The following PFKP variants were observed in gnomAD, a reference collection of about 807,000 sequenced individuals.
The protein encoded by PFKP is phosphofructokinase, platelet, also known as ATP-dependent 6-phosphofructokinase, platelet type.
PFKP carries 101 observed loss-of-function variants against 94.3 expected under a neutral mutation model. That is an observed-to-expected ratio of 1.07 (90% CI 0.91 to 1.26). The LOEUF is 1.26. Ranked by LOEUF, PFKP falls within the 50% of genes most tolerant of loss-of-function variation. The probability of loss-of-function intolerance (pLI) is 0.00; values close to 1 mark genes in which losing one functional copy is unlikely to be tolerated. For missense variants in PFKP, 1,145 were observed against 1,103.3 expected, an observed-to-expected ratio of 1.04 and a Z score of -0.53; for synonymous variants, 573 against 432.6, an observed-to-expected ratio of 1.32 and a Z score of -4.03.
intron 4 of PFKP, 69 bp from the exon 5 acceptor site, chr10:3,103,710 C>T (rs1158671650): frequency 1.3e-6 from 2 of 1,535,314 alleles, no homozygotes; most frequent in East Asian, 2.3e-5. Context: ...TCTGCCTCAC[C>T]CCTAGTGGGG....
At chr10:3,109,570 G>T in intron 10 of PFKP, 90 bp downstream of exon 10, 2 of 1,468,876 alleles carry the variant, frequency 1.4e-6, no homozygotes, top group East Asian at 2.4e-5. Context: ...TGGGTGTCTC[G>T]TCGGTGCACG....
chr10:3,098,269 G>A (rs7896500), intron 2 of PFKP, among the ~76,000 whole-genome samples: 9,787 of 152,146 alleles, frequency 0.064, 778 homozygotes, highest in African/African-American at 0.18. Context: ...TCCTTCTTAA[G>A]ATTAAATGCT....
At chr10:3,096,653 G>GCA (rs551587786) in intron 2 of PFKP, among the ~76,000 whole-genome samples, 21 of 150,510 alleles carry the variant, frequency 1.4e-4, no homozygotes, top group African/African-American at 5.2e-4. Context: ...TTGTTTCCTT[G>GCA]CCCCCCCGAG....
intron 8 of PFKP, chr10:3,107,711 G>A (rs1564312011): frequency 1.0e-6 from 1 of 982,652 alleles, no homozygotes; most frequent in East Asian, 1.2e-4. Context: ...TATTCCCTGT[G>A]CCCTCCCATA....
chr10:3,080,475 C>A (rs1024671335), intron 1 of PFKP, among the ~76,000 whole-genome samples: 1 of 140,026 alleles, frequency 7.1e-6, no homozygotes, highest in East Asian at 2.1e-4. Flanking sequence ...CGAGATTGCA[C>A]CACTGCACTC....
chr10:3,109,891 G>GGC (rs1835997858), intron 10 of PFKP, among the ~76,000 whole-genome samples: 1 of 151,918 alleles, frequency 6.6e-6, no homozygotes, highest in Admixed American at 6.6e-5. Context: ...AGACCCATGG[G>GGC]GCAGAGGGGG....
Position 3,082,404 on chromosome 10 carries a change from C to G in PFKP, c.129C>G (p.Val43=), listed in dbSNP as rs1163714602. 3 of 1,606,824 alleles carry G rather than the reference C, an allele frequency of 1.9e-6. No individual in the cohort carries two copies. The highest frequency in any genetic ancestry group is 2.6e-6 in the Non-Finnish European group (3 of 1,175,302). Residue 43 remains valine, a synonymous_variant, in exon 2 of 22, where the codon GTC becomes GTG. Coordinates refer to ENST00000381125, the MANE Select transcript of PFKP (RefSeq NM_002627.5). ...GGDAQGMNAA[V]RAVVRMGIYV... is the part of the protein sequence containing the mutation. ...CCACTGCAGGTATGAACGCTGCCGTCCGTGCCGTGGTGCGCATGGGTATCT... is the reference window on the plus strand; with the variant it reads ...CCACTGCAGGTATGAACGCTGCCGTGCGTGCCGTGGTGCGCATGGGTATCT...
chr10:3,087,984 C>CTTTTTTTTTTTTTTTTTT (rs1224829610), intron 2 of PFKP, among the ~76,000 whole-genome samples: 3 of 96,592 alleles, frequency 3.1e-5, no homozygotes, highest in African/African-American at 1.2e-4. Flanking sequence ...ATCTTTCATT[C>CTTTTTTTTTTTTTTTTTT]TTTTTTTTTT....
At chr10:3,104,901 T>C in intron 5 of PFKP, 1 of 628,494 alleles carries the variant, frequency 1.6e-6, no homozygotes, top group Non-Finnish European at 2.8e-6. Context: ...TCAAGTCCCC[T>C]TCCTCGCAGG....
rs534879163 is a variant in PFKP at position 3,084,921 on chromosome 10, T to C, written c.186+2460T>C. On this transcript the variant is annotated intron_variant, in intron 2 of 21. Coordinates refer to ENST00000381125, the MANE Select transcript of PFKP (RefSeq NM_002627.5). ...CTCCACTCTCCAGCACGGTCCCCCA[T>C]TCCCTCCCCAGCACGGTCCCCCATT... Among the ~76,000 whole-genome samples, 81 of 18,998 alleles carry C rather than the reference T, an allele frequency of 4.3e-3. 1 individual carries two copies. The highest frequency in any genetic ancestry group is 0.028 in the East Asian group (13 of 468). 12.5% of individuals were successfully genotyped at this position (18,998 alleles called of 152,430 possible).
chr10:3,094,505 T>G (rs1296302685), intron 2 of PFKP, among the ~76,000 whole-genome samples: 1 of 152,128 alleles, frequency 6.6e-6, no homozygotes, highest in Admixed American at 6.5e-5. Flanking sequence ...GCTGGGGTGA[T>G]TGGTAGGGTC....
intron 4 of PFKP, among the ~76,000 whole-genome samples, chr10:3,102,192 A>G (rs1374546713): frequency 4.7e-5 from 6 of 126,858 alleles, no homozygotes; most frequent in Admixed American, 1.8e-4. Context: ...CGGAGCTTGC[A>G]GTGAGCCGAG....
At chr10:3,126,137 C>T (rs1411484131) in intron 16 of PFKP, among the ~76,000 whole-genome samples, 1 of 152,246 alleles carries the variant, frequency 6.6e-6, no homozygotes, top group Admixed American at 6.5e-5. Flanking sequence ...TAGCACAGAA[C>T]CTCGGAAGAC....
chr10:3,113,330 G>A (rs371830006), intron 12 of PFKP, 42 bp from the exon 13 acceptor site: 92 of 1,576,180 alleles, frequency 5.8e-5, no homozygotes, highest in Middle Eastern at 3.4e-4. Flanking sequence ...TGGAGCTCAC[G>A]TGTGCCCGTG....
intron 2 of PFKP, among the ~76,000 whole-genome samples, chr10:3,086,680 GT>G (rs1223473723): frequency 6.6e-6 from 1 of 152,068 alleles, no homozygotes; most frequent in East Asian, 1.9e-4. Context: ...TGGTTTGAAT[GT>G]TGTTAGCTGG....
intron 1 of PFKP, among the ~76,000 whole-genome samples, chr10:3,068,180 C>G (rs1831883441): frequency 6.6e-6 from 1 of 152,148 alleles, no homozygotes; most frequent in Non-Finnish European, 1.5e-5. Context: ...GCCCCCCCGC[C>G]CCCCAACTCC....
At chr10:3,091,028 T>C (rs2131476969) in intron 2 of PFKP, among the ~76,000 whole-genome samples, 1 of 152,294 alleles carries the variant, frequency 6.6e-6, no homozygotes, top group South Asian at 2.1e-4. Context: ...GTGGCGTTTC[T>C]GCTGAAAGCC....
In PFKP at chr10:3,136,552, G is replaced by A. The variant is rs998891113; in HGVS notation, c.2328G>A (p.Leu776=). The change falls in exon 22 of 22, where the codon CTG becomes CTA. Residue 776 remains leucine, a synonymous_variant. Transcript: ENST00000381125. The part of the protein sequence containing the change: ...ASYDVSDSGQ[L]EHVQPWSV ...ATGACGTGTCGGACTCAGGCCAGCT[G>A]GAACATGTGCAGCCCTGGAGTGTCT... 10 of 1,613,538 alleles carry A rather than the reference G, an allele frequency of 6.2e-6. No individual in the cohort carries two copies. The East Asian group carries it at 1.1e-4, about 18-fold the overall frequency.
At chr10:3,131,575 G>C (rs1035371744) in intron 17 of PFKP, among the ~76,000 whole-genome samples, 4 of 152,168 alleles carry the variant, frequency 2.6e-5, no homozygotes, top group Non-Finnish European at 5.9e-5. Flanking sequence ...TCCTGCCTCA[G>C]CCTCCCAAGT....
Sources: allele counts gnomAD v4.1 joint callset (sites outside exome capture counted in the v4.1 genomes callset), GRCh38; gene constraint gnomAD v4.1.1; transcripts MANE v1.5; gene names NCBI Gene and HGNC (gene_info 2026-07-23, HGNC 2026-07-21).